The following ROCK2 variants were observed in gnomAD, a reference collection of about 807,000 sequenced individuals.
The protein encoded by ROCK2 is rho-associated protein kinase 2.
A neutral mutation model predicts 195.1 loss-of-function variants in ROCK2; 61 were observed. The observed-to-expected ratio is 0.31, with a 90% confidence interval of 0.25 to 0.39. The LOEUF is 0.39. Among genes scored for constraint, ROCK2 ranks in the 10% least tolerant of loss-of-function variants. The pLI is 1.00. For synonymous variants in ROCK2, 504 were observed against 545.5 expected, an observed-to-expected ratio of 0.92 and a Z score of 1.06; for missense variants, 1,109 against 1,637.4, an observed-to-expected ratio of 0.68 and a Z score of 5.57.
intron 1 of ROCK2, chr2:11,308,411 T>A (rs1667930899): frequency 1.4e-5 from 22 of 1,601,846 alleles, no homozygotes; most frequent in East Asian, 1.1e-4. Context: ...GAATTTGGAA[T>A]CTGAAGAAGA....
In ROCK2 at chr2:11,198,477, T is replaced by G. The variant is rs1663722240; in HGVS notation, c.3099+14A>C. ...ACAAAATTCAAAATCATATTTAGAT[T>G]CTATTATACATACTTGAGTTTTGAG... is the stretch of plus-strand genomic sequence containing the variant. On this transcript the variant is annotated intron_variant, in intron 25 of 32. Transcript: ENST00000315872. The G allele has an allele frequency of 2.0e-6, 3 of 1,524,048 alleles. No homozygotes were observed. In the East Asian group the frequency reaches 6.8e-5, roughly 34 times the overall value. The allele number at this position is 1,524,048 out of a possible 1,614,324, so 94.4% of individuals were successfully genotyped here. A position where few individuals can be genotyped will look rare whatever the true frequency, so the allele number is the denominator to read the frequency against.
chr2:11,344,061 G>T lies in ROCK2; in HGVS notation c.76C>A (p.Arg26Ser), dbSNP rs1465760381. 6 of 1,585,832 alleles carry T rather than the reference G, an allele frequency of 3.8e-6. No individual in the cohort carries two copies. Among genetic ancestry groups the T allele is most frequent in the Non-Finnish European group, 4.3e-6 (5 of 1,167,802 alleles). ...TAPGDGAGAS[R>S]QRKLEALIRD... ...ATCAGCGCCTCCAGCTTCCTCTGGCGGCTCGCGCCTGCCCCGTCCCCCGGC... is the reference window on the plus strand; with the variant it reads ...ATCAGCGCCTCCAGCTTCCTCTGGCTGCTCGCGCCTGCCCCGTCCCCCGGC... The change falls in exon 1 of 33, where the codon CGC becomes AGC. Residue 26 changes from arginine to serine, a missense_variant. Arg to Ser is a moderately radical substitution (Grantham distance 110, BLOSUM62 -1). Around this residue, in one of 6 missense-constraint regions of ROCK2, gnomAD observed 64 missense variants for 62.4 expected, o/e 1.03. Coordinates refer to ENST00000315872, the MANE Select transcript of ROCK2 (RefSeq NM_004850.5). The surrounding 1 kb of genome is among the most constrained non-coding windows in gnomAD (Gnocchi z 5.4).
intron 3 of ROCK2, among the ~76,000 whole-genome samples, chr2:11,268,854 ATT>A (rs1338554234): frequency 6.6e-6 from 1 of 152,022 alleles, no homozygotes; most frequent in Non-Finnish European, 1.5e-5. Context: ...CCATTCAAAT[ATT>A]TTGTCTCTTT....
chr2:11,222,169 A>T lies in ROCK2; in HGVS notation c.1013T>A (p.Val338Glu). 1 of 1,582,946 alleles carries T rather than the reference A, an allele frequency of 6.3e-7. No homozygotes were observed. Among genetic ancestry groups the T allele is most frequent in the Non-Finnish European group, 8.7e-7 (1 of 1,155,444 alleles). ...LICAFLTDRE[V>E]RLGRNGVEEI... ...TTCCACCCCATTTCTCCCAAGTCGT[A>T]CCTCCCTAAACAATGCAGTTAAAGA... Residue 338 changes from valine to glutamate, a missense_variant, in exon 8 of 33, where the codon GTA becomes GAA. Physicochemically the swap from Val to Glu is moderately radical, Grantham distance 121. Coordinates refer to ENST00000315872, the MANE Select transcript of ROCK2 (RefSeq NM_004850.5).
At chr2:11,246,923 T>C (rs1665637392) in intron 4 of ROCK2, among the ~76,000 whole-genome samples, 1 of 152,194 alleles carries the variant, frequency 6.6e-6, no homozygotes, top group Middle Eastern at 3.2e-3. Context: ...AAAGCAGCAT[T>C]ATTCATTATA....
chr2:11,330,357 T>C (rs927672609), intron 1 of ROCK2, among the ~76,000 whole-genome samples: 27 of 152,236 alleles, frequency 1.8e-4, no homozygotes, highest in African/African-American at 6.5e-4. Flanking sequence ...TATGTAGTTT[T>C]GTTAGCCATG....
At chr2:11,243,190 T>G (rs1665489878) in intron 4 of ROCK2, among the ~76,000 whole-genome samples, 1 of 152,212 alleles carries the variant, frequency 6.6e-6, no homozygotes. Context: ...TGGATCCTCC[T>G]GCTATAAAAG....
chr2:11,298,477 A>G (rs1456285062), intron 1 of ROCK2, among the ~76,000 whole-genome samples: 1 of 151,430 alleles, frequency 6.6e-6, no homozygotes, highest in Non-Finnish European at 1.5e-5. Context: ...CTCAAAAAAA[A>G]AAAAAAAAAA....
chr2:11,202,310 G>A (rs1663884686), intron 20 of ROCK2, among the ~76,000 whole-genome samples, 189 bp from the exon 21 acceptor site: 2 of 151,772 alleles, frequency 1.3e-5, no homozygotes, highest in African/African-American at 4.8e-5. Context: ...GTTATATACC[G>A]TATGTACTTT....
intron 18 of ROCK2, among the ~76,000 whole-genome samples, chr2:11,208,856 G>C (rs981946426): frequency 6.6e-6 from 1 of 152,126 alleles, no homozygotes; most frequent in Non-Finnish European, 1.5e-5. Flanking sequence ...GCCACCCAAA[G>C]TGCTGGAATT....
At chr2:11,205,317 C>T (rs983228775) in intron 20 of ROCK2, among the ~76,000 whole-genome samples, 1 of 152,190 alleles carries the variant, frequency 6.6e-6, no homozygotes, top group African/African-American at 2.4e-5. Context: ...TCTTTTCCAT[C>T]TATATCCCAC....
chr2:11,243,687 C>T (rs1665512575), intron 4 of ROCK2, among the ~76,000 whole-genome samples: 1 of 152,072 alleles, frequency 6.6e-6, no homozygotes, highest in South Asian at 2.1e-4. Context: ...CTGTCAAGGT[C>T]ATCAAAAACA....
At chr2:11,210,173 G>GA (rs1438215504) in intron 18 of ROCK2, among the ~76,000 whole-genome samples, 1 of 151,706 alleles carries the variant, frequency 6.6e-6, no homozygotes, top group African/African-American at 2.4e-5. Flanking sequence ...TTAATAGTTT[G>GA]AAAAAAATGG....
chr2:11,307,878 G>A, intron 1 of ROCK2: 1 of 1,052,220 alleles, frequency 9.5e-7, no homozygotes, highest in African/African-American at 1.6e-5. Context: ...CGAAAAATGG[G>A]CTTGGGCGGC....
intron 3 of ROCK2, among the ~76,000 whole-genome samples, chr2:11,257,625 A>G (rs553561215): frequency 1.3e-5 from 2 of 151,384 alleles, no homozygotes; most frequent in South Asian, 4.1e-4. Flanking sequence ...GAATACCAGA[A>G]TCACCTCCGC....
At chr2:11,233,051 G>T (rs1382904102) in intron 5 of ROCK2, among the ~76,000 whole-genome samples, 1 of 151,700 alleles carries the variant, frequency 6.6e-6, no homozygotes, top group Non-Finnish European at 1.5e-5. Flanking sequence ...CTGTCTCTAT[G>T]AAATATTAAA....
chr2:11,183,703 C>G (rs1663089432), intron 32 of ROCK2, among the ~76,000 whole-genome samples: 1 of 151,976 alleles, frequency 6.6e-6, no homozygotes, highest in Non-Finnish European at 1.5e-5. Context: ...ATATGGTTAA[C>G]AAGCTATTAG....
At chr2:11,194,926 A>G (rs757948359) in intron 28 of ROCK2, 29 bp downstream of exon 28, 7 of 1,360,050 alleles carry the variant, frequency 5.1e-6, no homozygotes, top group South Asian at 2.7e-5. Context: ...AACAAAAACA[A>G]AAGGCTCATA....
intron 4 of ROCK2, 61 bp from the exon 5 acceptor site, chr2:11,236,023 AC>A: frequency 7.2e-7 from 1 of 1,388,686 alleles, no homozygotes; most frequent in South Asian, 1.9e-5. Flanking sequence ...CATAATCAGA[AC>A]AAAAATTTAA....
Sources: gnomAD v4.1 joint callset for allele counts (sites outside exome capture counted in the v4.1 genomes callset) on GRCh38, gnomAD v4.1.1 for gene constraint, gnomAD v4.1.1 regional missense constraint, Gnocchi (gnomAD v3.1) non-coding constraint, MANE v1.5 for transcripts, NCBI Gene and HGNC (gene_info 2026-07-23, HGNC 2026-07-21) for gene names.